The following TNPO3 variants were observed in gnomAD, a reference collection of about 807,000 sequenced individuals.
TNPO3 encodes the protein transportin-3.
A neutral mutation model predicts 122.8 loss-of-function variants in TNPO3; 65 were observed. The ratio of observed to expected loss-of-function variants is 0.53; its 90% confidence interval spans 0.43 to 0.65. TNPO3 has a LOEUF of 0.65. TNPO3 is among the 30% of genes least tolerant of loss of function. The pLI, the probability that TNPO3 is intolerant of heterozygous loss-of-function variation, is 0.00. For synonymous variants in TNPO3, 372 were observed against 411.2 expected (o/e 0.90, Z 1.15); for missense variants, 850 against 1,136.7 (o/e 0.75, Z 3.63).
At chr7:128,965,808 T>C (rs183606952) in intron 21 of TNPO3, among the ~76,000 whole-genome samples, 5 of 152,306 alleles carry the variant, frequency 3.3e-5, no homozygotes, top group Admixed American at 2.6e-4. Context: ...AAGGACATTA[T>C]ACTAAGTGAG....
Position 129,027,586 on chromosome 7 carries a change from AAAAAAC to A in TNPO3, c.121-9435_121-9430del, listed in dbSNP as rs1188669828. ...AAAAAAAAAAAAAAAAAAAAAAAAAAAAAAACAACACAAAAAATTCACTAAATACTC... is the reference window on the plus strand; with the variant it reads ...AAAAAAAAAAAAAAAAAAAAAAAAAAAACACAAAAAATTCACTAAATACTC... On this transcript the variant is annotated intron_variant, in intron 1 of 22. Coordinates refer to ENST00000265388, the MANE Select transcript of TNPO3 (RefSeq NM_012470.4). Among the ~76,000 whole-genome samples the A allele has an allele frequency of 4.1e-3, 474 of 115,296 alleles. 41 individuals carry two copies. The highest frequency in any genetic ancestry group is 0.021 in the East Asian group (75 of 3,622). The allele number at this position is 115,296 out of a possible 152,430, so 75.6% of individuals were successfully genotyped here.
chr7:129,020,352 A>C (rs777297943), intron 1 of TNPO3, among the ~76,000 whole-genome samples: 2 of 152,178 alleles, frequency 1.3e-5, no homozygotes, highest in African/African-American at 4.8e-5. Flanking sequence ...AAATCTTCCA[A>C]AGATTTTAGC....
intron 22 of TNPO3, among the ~76,000 whole-genome samples, chr7:128,955,700 C>G (rs1175333280): frequency 1.3e-5 from 2 of 152,192 alleles, no homozygotes; most frequent in African/African-American, 2.4e-5. Context: ...ACCAGGGAAG[C>G]TTTGCCTCAG....
chr7:128,987,531 T>C (rs1800292606), intron 11 of TNPO3, among the ~76,000 whole-genome samples: 1 of 152,226 alleles, frequency 6.6e-6, no homozygotes, highest in Non-Finnish European at 1.5e-5. Context: ...TCTTTTTATC[T>C]TCTTTTATAA....
intron 1 of TNPO3, among the ~76,000 whole-genome samples, chr7:129,033,429 A>C (rs1199956322): frequency 6.6e-6 from 1 of 152,196 alleles, no homozygotes; most frequent in Non-Finnish European, 1.5e-5. Context: ...AAAAAAACGA[A>C]GCAAAAAAAC....
chr7:129,014,703 G>C (rs1803631656), intron 4 of TNPO3, among the ~76,000 whole-genome samples: 1 of 152,162 alleles, frequency 6.6e-6, no homozygotes, highest in Admixed American at 6.5e-5. Context: ...TAAATAATGA[G>C]ATGGCCTTAG....
chr7:128,972,205 G>A (rs1390730238), intron 19 of TNPO3, among the ~76,000 whole-genome samples: 1 of 152,138 alleles, frequency 6.6e-6, no homozygotes, highest in Non-Finnish European at 1.5e-5. Flanking sequence ...GACACCAAAT[G>A]ATTTGGGAGC....
At chr7:129,036,443 A>G (rs889268617) in intron 1 of TNPO3, among the ~76,000 whole-genome samples, 1 of 152,216 alleles carries the variant, frequency 6.6e-6, no homozygotes, top group Non-Finnish European at 1.5e-5. Context: ...AACTAGAGAC[A>G]TAACAACCAA....
At chr7:128,976,794 G>A (rs1233146437) in intron 16 of TNPO3, among the ~76,000 whole-genome samples, 4 of 152,196 alleles carry the variant, frequency 2.6e-5, no homozygotes, top group South Asian at 2.1e-4. Context: ...GGACTGAAAG[G>A]ATACAGTAAC....
At position 129,020,785 on chromosome 7, in the gene TNPO3, A is replaced by G. The variant is rs566817489; in HGVS notation, c.121-2628T>C. ...AAAAGATTCTATGAAGCTTTATACA[A>G]TCTCCACAAATCCCTCAAAAAAAAC... On this transcript the variant is annotated intron_variant, in intron 1 of 22. Coordinates refer to ENST00000265388, the MANE Select transcript of TNPO3 (RefSeq NM_012470.4). Among the ~76,000 whole-genome samples, 4 of 152,300 alleles carry G rather than the reference A, an allele frequency of 2.6e-5. No homozygotes were observed. In the South Asian group the frequency reaches 6.2e-4, roughly 24 times the overall value.
At chr7:129,002,982 G>A (rs1327425006) in intron 5 of TNPO3, among the ~76,000 whole-genome samples, 2 of 144,476 alleles carry the variant, frequency 1.4e-5, no homozygotes, top group Non-Finnish European at 3.0e-5. Flanking sequence ...AGAGCTTGCA[G>A]TGAGCCAAGA....
intron 21 of TNPO3, among the ~76,000 whole-genome samples, chr7:128,960,073 G>T (rs78939067): frequency 0.069 from 10,515 of 152,194 alleles, 802 homozygotes; most frequent in African/African-American, 0.19. Context: ...GTGCTACAAT[G>T]ATGTTTTGGT....
At chr7:128,956,082 A>C (rs1430675232) in intron 22 of TNPO3, among the ~76,000 whole-genome samples, 1 of 152,242 alleles carries the variant, frequency 6.6e-6, no homozygotes, top group African/African-American at 2.4e-5. Flanking sequence ...GAACACCTAC[A>C]GCTGTCCATG....
intron 8 of TNPO3, among the ~76,000 whole-genome samples, chr7:128,996,488 A>T (rs1024035828): frequency 6.6e-5 from 10 of 152,146 alleles, no homozygotes; most frequent in African/African-American, 2.4e-4. Flanking sequence ...TCACACCTGT[A>T]ATCTCAGCAC....
At chr7:128,958,259 T>C (rs1797100153) in intron 21 of TNPO3, among the ~76,000 whole-genome samples, 1 of 147,084 alleles carries the variant, frequency 6.8e-6, no homozygotes, top group Non-Finnish European at 1.5e-5. Flanking sequence ...TTCTCCTGCC[T>C]CAGCCTCCCC....
At chr7:128,968,299 TGTTTA>T (rs1282716997) in intron 20 of TNPO3, among the ~76,000 whole-genome samples, 27 of 152,286 alleles carry the variant, frequency 1.8e-4, no homozygotes, top group Admixed American at 8.5e-4. Context: ...CTCTTGTTGC[TGTTTA>T]ATTTACTTAT....
chr7:128,955,198 C>T lies in TNPO3; in HGVS notation c.*219G>A, dbSNP rs531323756. On this transcript the variant is annotated 3_prime_UTR_variant, in exon 23 of 23. Coordinates refer to ENST00000265388, the MANE Select transcript of TNPO3 (RefSeq NM_012470.4). Reference sequence around the variant, plus strand: ...AGGCCACAGCCATCTTTTTAAAATCCGCGCTGATTTTCCCTCACACCCCCA... The same window carrying T: ...AGGCCACAGCCATCTTTTTAAAATCTGCGCTGATTTTCCCTCACACCCCCA... 19 of 369,258 alleles carry T rather than the reference C, an allele frequency of 5.1e-5. No individual in the cohort carries two copies. The highest frequency in any genetic ancestry group is 3.0e-4 in the Admixed American group (8 of 26,604). 22.9% of individuals were successfully genotyped at this position (369,258 alleles called of 1,614,324 possible).
At chr7:129,042,507 T>C (rs1260043563) in intron 1 of TNPO3, among the ~76,000 whole-genome samples, 1 of 152,058 alleles carries the variant, frequency 6.6e-6, no homozygotes, top group Non-Finnish European at 1.5e-5. Flanking sequence ...ATGAGACGGG[T>C]AAAGAAAGAA....
chr7:128,983,968 A>G (rs1362578198), intron 13 of TNPO3, among the ~76,000 whole-genome samples, 200 bp downstream of exon 13: 1 of 152,214 alleles, frequency 6.6e-6, no homozygotes, highest in Non-Finnish European at 1.5e-5. Context: ...TTCTGTTAAC[A>G]CTGATATAAT....
Sources: allele counts gnomAD v4.1 joint callset (sites outside exome capture counted in the v4.1 genomes callset), GRCh38; gene constraint gnomAD v4.1.1; transcripts MANE v1.5; gene names NCBI Gene and HGNC (gene_info 2026-07-23, HGNC 2026-07-21).